NOL4: variants seen among roughly 807,000 people sequenced by gnomAD.
NOL4 encodes nucleolar protein 4.
A neutral mutation model predicts 75.9 loss-of-function variants in NOL4; 17 were observed. The ratio of observed to expected loss-of-function variants is 0.22; its 90% CI spans 0.15 to 0.34. The LOEUF (loss-of-function observed/expected upper bound fraction) is 0.34. NOL4 is among the 10% of genes least tolerant of loss of function. NOL4 has a pLI of 1.00. For synonymous variants in NOL4, 292 were observed against 289.9 expected, an observed-to-expected ratio of 1.01 and a Z score of -0.07; for missense variants, 614 against 793.5, an observed-to-expected ratio of 0.77 and a Z score of 2.72.
At chr18:34,091,658 G>A (rs930099074) in intron 5 of NOL4, among the ~76,000 whole-genome samples, 7 of 152,104 alleles carry the variant, frequency 4.6e-5, no homozygotes, top group African/African-American at 7.2e-5. Context: ...ATAATCAATC[G>A]AGGCATTTTA....
intron 6 of NOL4, among the ~76,000 whole-genome samples, chr18:33,980,447 C>T (rs926026636): frequency 6.6e-6 from 1 of 152,002 alleles, no homozygotes; most frequent in Admixed American, 6.6e-5. Context: ...CATTTTGAAA[C>T]ATGCCAGAGC....
intron 6 of NOL4, among the ~76,000 whole-genome samples, chr18:33,994,629 T>G (rs2073147531): frequency 6.6e-6 from 1 of 151,622 alleles, no homozygotes; most frequent in African/African-American, 2.4e-5. Flanking sequence ...TCTTGTGAGA[T>G]GCAACTAAAG....
chr18:34,057,961 A>C (rs749614733), intron 5 of NOL4, among the ~76,000 whole-genome samples: 1 of 152,106 alleles, frequency 6.6e-6, no homozygotes, highest in African/African-American at 2.4e-5. Context: ...TATTGATTTC[A>C]GCTGTTGATA....
chr18:34,153,184 C>T (rs1211180824), intron 1 of NOL4, among the ~76,000 whole-genome samples: 1 of 151,822 alleles, frequency 6.6e-6, no homozygotes, highest in African/African-American at 2.4e-5. Context: ...CGATACATCA[C>T]TAGGAGCAGA....
intron 5 of NOL4, among the ~76,000 whole-genome samples, chr18:34,067,735 C>A (rs11081840): frequency 6.6e-6 from 1 of 151,806 alleles, no homozygotes; most frequent in Non-Finnish European, 1.5e-5. Context: ...AAGGAAAGGA[C>A]TGCAGGTGGA....
chr18:34,164,088 A>T (rs2031959561), intron 1 of NOL4, among the ~76,000 whole-genome samples: 6 of 152,230 alleles, frequency 3.9e-5, no homozygotes, highest in Admixed American at 3.9e-4. Context: ...ACAAAAATTA[A>T]TCCAAGATGG....
intron 1 of NOL4, among the ~76,000 whole-genome samples, chr18:34,191,438 CA>C (rs1383460546): frequency 6.6e-6 from 1 of 151,970 alleles, no homozygotes; most frequent in Non-Finnish European, 1.5e-5. Flanking sequence ...ATTTCATATA[CA>C]AAAAGTTCCA....
intron 10 of NOL4, among the ~76,000 whole-genome samples, chr18:33,865,622 G>T (rs556933510): frequency 6.6e-6 from 1 of 152,026 alleles, no homozygotes; most frequent in African/African-American, 2.4e-5. Context: ...ACAAATGGTG[G>T]ATAACAACAG....
chr18:33,937,493 CT>C (rs2068136586), intron 9 of NOL4, among the ~76,000 whole-genome samples: 1 of 152,068 alleles, frequency 6.6e-6, no homozygotes, highest in Non-Finnish European at 1.5e-5. Context: ...ATGTTTTGAA[CT>C]TTTGTGTGCC....
At chr18:33,889,429 C>T (rs948344578) in intron 9 of NOL4, among the ~76,000 whole-genome samples, 15 of 152,074 alleles carry the variant, frequency 9.9e-5, no homozygotes, top group South Asian at 2.1e-4. Context: ...CAGGACCAGA[C>T]GGATTCTGGT....
intron 1 of NOL4, among the ~76,000 whole-genome samples, chr18:34,134,488 A>G: frequency 6.7e-6 from 1 of 150,138 alleles, no homozygotes; most frequent in East Asian, 1.9e-4. Flanking sequence ...ACACACACAC[A>G]CACACACATT....
chr18:34,179,220 C>T (rs1259767575), intron 1 of NOL4, among the ~76,000 whole-genome samples: 8 of 151,126 alleles, frequency 5.3e-5, no homozygotes, highest in Non-Finnish European at 1.2e-4. Flanking sequence ...ACTGTAAATG[C>T]CTGCATTTAA....
At chr18:34,009,393 G>T (rs540420567) in intron 6 of NOL4, among the ~76,000 whole-genome samples, 27 of 151,992 alleles carry the variant, frequency 1.8e-4, no homozygotes, top group African/African-American at 5.8e-4. Flanking sequence ...ATCTCAGTAA[G>T]AATTTTTTAG....
intron 1 of NOL4, among the ~76,000 whole-genome samples, chr18:34,133,470 A>G (rs2080753978): frequency 6.6e-6 from 1 of 151,860 alleles, no homozygotes; most frequent in East Asian, 1.9e-4. Context: ...ATAATATAAT[A>G]CAAATTAATA....
chr18:34,185,184 A>C (rs1230800327), intron 1 of NOL4, among the ~76,000 whole-genome samples: 1 of 152,196 alleles, frequency 6.6e-6, no homozygotes, highest in Admixed American at 6.5e-5. Flanking sequence ...GAAAACTGTC[A>C]ATTGTGAAGG....
chr18:34,028,744 C>T (rs755377223), intron 5 of NOL4, among the ~76,000 whole-genome samples: 1 of 152,186 alleles, frequency 6.6e-6, no homozygotes, highest in Non-Finnish European at 1.5e-5. Context: ...GCATTTTAAC[C>T]AGACTCCCAG....
chr18:34,067,478 A>T (rs2077330030), intron 5 of NOL4, among the ~76,000 whole-genome samples: 1 of 152,190 alleles, frequency 6.6e-6, no homozygotes, highest in Non-Finnish European at 1.5e-5. Flanking sequence ...GAAAAAATAC[A>T]AGAGTAGAAG....
intron 6 of NOL4, among the ~76,000 whole-genome samples, chr18:33,970,847 G>C (rs2070998357): frequency 6.6e-6 from 1 of 152,022 alleles, no homozygotes; most frequent in African/African-American, 2.4e-5. Context: ...ACAATATGCT[G>C]AGAGAAATTC....
chr18:33,912,894 C>G (rs1481326436), intron 9 of NOL4, among the ~76,000 whole-genome samples: 1 of 152,046 alleles, frequency 6.6e-6, no homozygotes, highest in Non-Finnish European at 1.5e-5. Flanking sequence ...GTTTTCCCTG[C>G]TAACATGAAA....
Sources: gnomAD v4.1 joint callset for allele counts (sites outside exome capture counted in the v4.1 genomes callset) on GRCh38, gnomAD v4.1.1 for gene constraint, MANE v1.5 for transcripts, NCBI Gene and HGNC (gene_info 2026-07-23, HGNC 2026-07-21) for gene names.